COL10A1: variants seen among roughly 807,000 people sequenced by gnomAD.
The protein encoded by COL10A1 is collagen alpha-1(X) chain.
Under a neutral mutation model 18.2 loss-of-function variants are expected in COL10A1, and 10 were observed. The ratio of observed to expected loss-of-function variants is 0.55; its 90% CI spans 0.34 to 0.93. COL10A1 has a LOEUF of 0.93. COL10A1 is among the 40% of genes least tolerant of loss of function. The pLI, the probability that COL10A1 is intolerant of heterozygous loss-of-function variation, is 0.02. For missense variants in COL10A1, 897 were observed against 853.5 expected (o/e 1.05, Z -0.64); for synonymous variants, 330 against 316.6 (o/e 1.04, Z -0.45).
chr6:116,152,966 TAATAA>T (rs1029846045), intron 1 of COL10A1, among the ~76,000 whole-genome samples: 2 of 152,118 alleles, frequency 1.3e-5, no homozygotes, highest in Admixed American at 6.6e-5. Context: ...TTTTATAGTA[TAATAA>T]AATACAGAGG....
At chr6:116,182,222 A>AGAGTGTGTGTGT in the COL10A1 span, among the ~76,000 whole-genome samples, 131 of 124,688 alleles carry the variant, frequency 1.1e-3, 1 homozygote, top group South Asian at 0.022. Context: ...TTCCATGGAG[A>AGAGTGTGTGTGT]GTGTGTGTGT....
At chr6:116,165,403 C>T in the COL10A1 span, among the ~76,000 whole-genome samples, 20 of 152,156 alleles carry the variant, frequency 1.3e-4, no homozygotes, top group Admixed American at 1.3e-3. Flanking sequence ...GGGAAATTTT[C>T]CTGAATTCTT....
At chr6:116,216,761 T>C in the COL10A1 span, among the ~76,000 whole-genome samples, 1 of 152,156 alleles carries the variant, frequency 6.6e-6, no homozygotes, top group Admixed American at 6.6e-5. Flanking sequence ...TAAATTTATC[T>C]CTTTTATCCT....
At chr6:116,136,517 C>A (rs1043608585) in intron 1 of COL10A1, among the ~76,000 whole-genome samples, 1 of 151,884 alleles carries the variant, frequency 6.6e-6, no homozygotes, top group African/African-American at 2.4e-5. Context: ...ATGACTCATC[C>A]AAGGTCATTT....
the COL10A1 span, among the ~76,000 whole-genome samples, chr6:116,201,554 G>C: frequency 5.3e-5 from 8 of 151,982 alleles, no homozygotes; most frequent in Non-Finnish European, 1.2e-4. Flanking sequence ...GTGAGCATTT[G>C]CCAGAGTCAG....
the COL10A1 span, among the ~76,000 whole-genome samples, chr6:116,188,540 A>G: frequency 6.6e-6 from 1 of 152,028 alleles, no homozygotes; most frequent in Admixed American, 6.6e-5. Flanking sequence ...AATACAGGAT[A>G]TACATATTCT....
chr6:116,147,502 G>A lies in COL10A1; in HGVS notation c.-16+11112C>T, dbSNP rs557286233. The stretch of plus-strand genomic sequence containing the variant: ...ACTGGGAGAAAAATTTCCAACTCAT[G>A]TAATGGAGCTATAGTCCTAATATAT... On this transcript the variant is annotated intron_variant, in intron 1 of 1. Coordinates refer to the COL10A1 transcript ENST00000418500. Among the ~76,000 whole-genome samples the A allele has an allele frequency of 2.6e-5, 4 of 152,112 alleles. No homozygotes were observed. The South Asian group carries it at 8.3e-4, about 32-fold the overall frequency.
chr6:116,145,566 C>A, intron 1 of COL10A1: 1 of 242,706 alleles, frequency 4.1e-6, no homozygotes, highest in Non-Finnish European at 9.3e-6. Context: ...ATGGATTATT[C>A]TTGAGATTGT....
At chr6:116,186,490 C>A in the COL10A1 span, among the ~76,000 whole-genome samples, 3 of 151,904 alleles carry the variant, frequency 2.0e-5, no homozygotes, top group Non-Finnish European at 4.4e-5. Context: ...TTTTAGATTT[C>A]TCTTCTTCCT....
In COL10A1 at chr6:116,121,753, T is replaced by A; in HGVS notation, c.363A>T (p.Gly121=). The A allele has an allele frequency of 6.2e-7, 1 of 1,613,772 alleles. No homozygotes were observed. Among genetic ancestry groups the A allele is most frequent in the Non-Finnish European group, 8.5e-7 (1 of 1,179,932 alleles). The change falls in exon 3 of 3, where the codon GGA becomes GGT. Residue 121 remains glycine, a synonymous_variant. Transcript: ENST00000651968. The stretch of plus-strand genomic sequence containing the variant: ...CAACATCTCCTTTTGGTCCATATGG[T>A]CCTCTCTCTCCTGGTTTTCCTGGGA... ...PGLPGKPGER[G]PYGPKGDVGP...
the COL10A1 span, among the ~76,000 whole-genome samples, chr6:116,168,147 G>C: frequency 1.4e-5 from 2 of 145,014 alleles, no homozygotes; most frequent in South Asian, 4.4e-4. Flanking sequence ...TAACACCATT[G>C]GTTTGTTTTG....
chr6:116,120,656 C>T lies in COL10A1; in HGVS notation c.1460G>A (p.Gly487Glu). 8 of 1,545,656 alleles carry T rather than the reference C, an allele frequency of 5.2e-6. No individual in the cohort carries two copies. Among genetic ancestry groups the T allele is most frequent in the Non-Finnish European group, 6.9e-6 (8 of 1,154,002 alleles). The change falls in exon 3 of 3, where the codon GGA becomes GAA. Residue 487 changes from glycine to glutamate, a missense_variant. Coordinates refer to ENST00000651968, the MANE Select transcript of COL10A1 (RefSeq NM_000493.4). ...PAGIATKGLN[G>E]PTGPPGPPGP... The stretch of plus-strand genomic sequence containing the variant: ...TGGAGGCCCTGGTGGCCCGGTGGGT[C>T]CATTGAGGCCCTTAGTTGCTATGCC...
At chr6:116,207,559 T>G in the COL10A1 span, among the ~76,000 whole-genome samples, 1 of 151,986 alleles carries the variant, frequency 6.6e-6, no homozygotes, top group Non-Finnish European at 1.5e-5. Context: ...TGATTGTATT[T>G]TATTATGATT....
chr6:116,177,495 T>A, the COL10A1 span, among the ~76,000 whole-genome samples: 2 of 152,146 alleles, frequency 1.3e-5, no homozygotes, highest in Non-Finnish European at 2.9e-5. Flanking sequence ...TGATATAAAT[T>A]TTCTACTTAA....
At chr6:116,166,096 G>C in the COL10A1 span, among the ~76,000 whole-genome samples, 7 of 152,102 alleles carry the variant, frequency 4.6e-5, no homozygotes. Context: ...CTTATTGCAG[G>C]GGTGAAGGGA....
the COL10A1 span, among the ~76,000 whole-genome samples, chr6:116,199,599 T>A: frequency 6.6e-6 from 1 of 152,072 alleles, no homozygotes; most frequent in Non-Finnish European, 1.5e-5. Context: ...AATCTCTGAC[T>A]TTAGGCCTGG....
chr6:116,185,475 C>A, the COL10A1 span, among the ~76,000 whole-genome samples: 2 of 152,050 alleles, frequency 1.3e-5, no homozygotes. Context: ...AAGTCCCCCA[C>A]TATTATTGTG....
chr6:116,120,976 A>T lies in COL10A1; in HGVS notation c.1140T>A (p.Gly380=). The T allele has an allele frequency of 6.2e-7, 1 of 1,612,338 alleles. No individual in the cohort carries two copies. Among genetic ancestry groups the T allele is most frequent in the Non-Finnish European group, 8.5e-7 (1 of 1,179,426 alleles). ...AGYPGAKGER[G]SPGSDGKPGY... ...CTGGTTTTCCATCTGACCCAGGGGAACCCCTTTCACCCTTAGCCCCAGGGT... is the reference window on the plus strand; with the variant it reads ...CTGGTTTTCCATCTGACCCAGGGGATCCCCTTTCACCCTTAGCCCCAGGGT... Residue 380 remains glycine, a synonymous_variant, in exon 3 of 3, where the codon GGT becomes GGA. Transcript: ENST00000651968.
the COL10A1 span, among the ~76,000 whole-genome samples, chr6:116,204,321 G>A: frequency 6.6e-6 from 1 of 151,970 alleles, no homozygotes. Flanking sequence ...AGCCTTGAAT[G>A]TAGAAATGTA....
Sources: allele counts gnomAD v4.1 joint callset (sites outside exome capture counted in the v4.1 genomes callset), GRCh38; gene constraint gnomAD v4.1.1; transcripts MANE v1.5; gene names NCBI Gene and HGNC (gene_info 2026-07-23, HGNC 2026-07-21).